The following STYK1 variants were observed in gnomAD, a reference collection of about 807,000 sequenced individuals.
STYK1 encodes tyrosine-protein kinase STYK1.
Under a neutral mutation model 48.1 loss-of-function variants are expected in STYK1, and 46 were observed. That is an observed-to-expected ratio of 0.96 (90% CI 0.75 to 1.22). STYK1 has a LOEUF of 1.22. Ranked by LOEUF, STYK1 falls within the 50% of genes most tolerant of loss-of-function variation. The probability of loss-of-function intolerance (pLI) is 0.00; values close to 1 mark genes in which losing one functional copy is unlikely to be tolerated. For missense variants in STYK1, 527 were observed against 521.1 expected (o/e 1.01, Z -0.11); for synonymous variants, 188 against 189.0 (o/e 0.99, Z 0.04).
intron 6 of STYK1, among the ~76,000 whole-genome samples, chr12:10,628,909 A>G (rs1034615372): frequency 6.6e-6 from 1 of 152,220 alleles, no homozygotes; most frequent in East Asian, 1.9e-4. Context: ...AAAAATACTC[A>G]TATAAAGATA....
intron 1 of STYK1, among the ~76,000 whole-genome samples, chr12:10,659,828 C>G (rs10743916): frequency 6.6e-6 from 1 of 151,898 alleles, no homozygotes; most frequent in Non-Finnish European, 1.5e-5. Flanking sequence ...CAAATCAGTT[C>G]TATTATGATT....
chr12:10,655,326 A>G (rs1947706452), intron 1 of STYK1, among the ~76,000 whole-genome samples: 1 of 152,222 alleles, frequency 6.6e-6, no homozygotes, highest in Non-Finnish European at 1.5e-5. Flanking sequence ...TCCAGAGGAC[A>G]GCAATTTTGG....
At chr12:10,625,206 TTTTGTTTGTTTG>T (rs56034548) in intron 7 of STYK1, among the ~76,000 whole-genome samples, 11 of 145,868 alleles carry the variant, frequency 7.5e-5, no homozygotes, top group African/African-American at 1.8e-4. Context: ...TTCTTTCTTT[TTTTGTTTGTTTG>T]TTTGTTTGTT....
Position 10,621,918 on chromosome 12 carries a change from C to T in STYK1, c.1022G>A (p.Arg341Lys), listed in dbSNP as rs1865913008. 6.2e-7 allele frequency: 1 copy of T among 1,613,782 alleles called. No homozygotes were observed. Among genetic ancestry groups the T allele is most frequent in the African/African-American group, 1.3e-5 (1 of 74,898 alleles). Residue 341 changes from arginine (R) to lysine (K), a missense_variant, in exon 10 of 11, where the codon AGA becomes AAA. Arg to Lys is a conservative substitution (Grantham distance 26). Transcript: ENST00000075503. ...PPTSILEHLQ[R>K]RKIMKRPSSC... is the part of the protein sequence containing the mutation. ...ACTGGGTCTCTTCATGATTTTCCTT[C>T]TTTGGAGATGCTCTAGGATGCTGGT...
At chr12:10,641,672 C>A (rs1012129859) in intron 1 of STYK1, among the ~76,000 whole-genome samples, 3 of 152,234 alleles carry the variant, frequency 2.0e-5, no homozygotes, top group Admixed American at 2.0e-4. Flanking sequence ...TACCTCAGTG[C>A]TGTGCCATAC....
At chr12:10,627,612 C>T (rs559584224) in intron 7 of STYK1, 29 bp downstream of exon 7, 57 of 1,584,462 alleles carry the variant, frequency 3.6e-5, no homozygotes, top group Admixed American at 7.0e-5. Flanking sequence ...AAACGTCACA[C>T]CATCAGTTGT....
At chr12:10,661,623 C>T (rs145328733) in intron 1 of STYK1, among the ~76,000 whole-genome samples, 80 of 152,312 alleles carry the variant, frequency 5.3e-4, no homozygotes, top group Admixed American at 2.2e-3. Flanking sequence ...AGGCACTCTT[C>T]CAAGCACTTC....
At chr12:10,636,132 T>C (rs1268717291) in intron 2 of STYK1, among the ~76,000 whole-genome samples, 2 of 152,346 alleles carry the variant, frequency 1.3e-5, no homozygotes, top group East Asian at 1.9e-4. Context: ...TTGTTTTTAA[T>C]ACTGATACTA....
In STYK1 at chr12:10,622,662, G is replaced by A. The variant is rs1286784738; in HGVS notation, c.943C>T (p.Leu315=). The A allele has an allele frequency of 1.2e-6, 2 of 1,613,916 alleles. No homozygotes were observed. Among genetic ancestry groups the A allele is most frequent in the East Asian group, 4.5e-5 (2 of 44,846 alleles). ...CCTAGAGTCACCATCTCATAGAGCA[G>A]GATCCCAAAAGACCAGCTGTAAAAG... ...IRADVWSFGI[L]LYEMVTLGAP... is the part of the protein sequence containing the mutation. The change falls in exon 9 of 11, where the codon CTG becomes TTG. Residue 315 remains leucine (L), a synonymous_variant. Coordinates refer to ENST00000075503, the MANE Select transcript of STYK1 (RefSeq NM_018423.3).
At chr12:10,663,765 G>C (rs1205954389) in intron 1 of STYK1, among the ~76,000 whole-genome samples, 1 of 146,374 alleles carries the variant, frequency 6.8e-6, no homozygotes, top group African/African-American at 2.5e-5. Context: ...CTGGAATTTT[G>C]ATAGGGATTA....
At chr12:10,647,672 T>TA (rs1276082524) in intron 1 of STYK1, among the ~76,000 whole-genome samples, 8 of 152,174 alleles carry the variant, frequency 5.3e-5, no homozygotes, top group African/African-American at 1.9e-4. Flanking sequence ...AGTAAAATGA[T>TA]ATGTTTTGGC....
At chr12:10,666,160 G>A (rs1219986375) in intron 1 of STYK1, among the ~76,000 whole-genome samples, 4 of 152,164 alleles carry the variant, frequency 2.6e-5, no homozygotes, top group African/African-American at 9.7e-5. Context: ...TCAACCAGGA[G>A]CTTTTCCTGT....
chr12:10,623,096 C>G (rs967414356), intron 8 of STYK1, among the ~76,000 whole-genome samples: 1 of 148,112 alleles, frequency 6.8e-6, no homozygotes, highest in African/African-American at 2.7e-5. Context: ...CAAGTTTTAT[C>G]ATTTAGTCAC....
At chr12:10,625,246 C>G (rs565805897) in intron 7 of STYK1, among the ~76,000 whole-genome samples, 8 of 152,160 alleles carry the variant, frequency 5.3e-5, no homozygotes, top group South Asian at 2.1e-4. Context: ...TTGAGACAGT[C>G]TCGCTCTGTC....
At chr12:10,658,422 A>G (rs576189745) in intron 1 of STYK1, among the ~76,000 whole-genome samples, 2 of 152,318 alleles carry the variant, frequency 1.3e-5, no homozygotes, top group Admixed American at 1.3e-4. Context: ...AGGAAAAGAG[A>G]CATTGTGTGG....
At chr12:10,646,080 G>A (rs549316734) in intron 1 of STYK1, among the ~76,000 whole-genome samples, 11 of 152,100 alleles carry the variant, frequency 7.2e-5, no homozygotes, top group South Asian at 2.1e-4. Flanking sequence ...TATCAGCAGC[G>A]TGAAAATGGA....
Position 10,620,361 on chromosome 12 carries a change from CAA to C in STYK1, c.1065-15_1065-14del, listed in dbSNP as rs1283343925. 10 of 1,611,444 alleles carry C rather than the reference CAA, an allele frequency of 6.2e-6. No homozygotes were observed. Among genetic ancestry groups the C allele is most frequent in the East Asian group, 2.2e-5 (1 of 44,850 alleles). The stretch of plus-strand genomic sequence containing the variant: ...CATGATACTGTACCTGAGAGGGAAA[CAA>C]GAGAAACTGACTTCCTTGACAAGGC... On this transcript the variant is annotated splice_polypyrimidine_tract_variant and intron_variant, in intron 10 of 10. Coordinates refer to ENST00000075503, the MANE Select transcript of STYK1 (RefSeq NM_018423.3).
chr12:10,636,707 G>C (rs1490361567), intron 2 of STYK1, among the ~76,000 whole-genome samples: 2 of 152,132 alleles, frequency 1.3e-5, no homozygotes, highest in Admixed American at 1.3e-4. Flanking sequence ...CTCCTTTTTA[G>C]TGGATTATCA....
Position 10,619,789 on chromosome 12 carries a change from G to T in STYK1, c.*355C>A. On this transcript the variant is annotated 3_prime_UTR_variant, in exon 11 of 11. Transcript: ENST00000075503. ...TCATTTCATTCCAAATTTTCATCTAGATAAAAATGTGGTTCCAGAGGAAAC... is the reference window on the plus strand; with the variant it reads ...TCATTTCATTCCAAATTTTCATCTATATAAAAATGTGGTTCCAGAGGAAAC... The T allele has an allele frequency of 2.5e-6, 1 of 398,298 alleles. No homozygotes were observed. The highest frequency in any genetic ancestry group is 4.4e-6 in the Non-Finnish European group (1 of 225,936). 24.7% of individuals were successfully genotyped at this position (398,298 alleles called of 1,614,324 possible). A position where few individuals can be genotyped will look rare whatever the true frequency, so the allele number is the denominator to read the frequency against.
Sources: gnomAD v4.1 joint callset for allele counts (sites outside exome capture counted in the v4.1 genomes callset) on GRCh38, gnomAD v4.1.1 for gene constraint, MANE v1.5 for transcripts, NCBI Gene and HGNC (gene_info 2026-07-23, HGNC 2026-07-21) for gene names.